Variants in HERC1 observed in about 807,000 individuals in gnomAD.
HERC1 encodes HECT and RLD domain containing E3 ubiquitin protein ligase family member 1.
Under a neutral mutation model 554.3 loss-of-function variants are expected in HERC1, and 160 were observed. The ratio of observed to expected loss-of-function variants is 0.29; its 90% CI spans 0.25 to 0.33. The LOEUF (loss-of-function observed/expected upper bound fraction) is 0.33, where lower values mean the gene tolerates loss of function less well. Ranked by LOEUF, HERC1 falls within the 10% of genes least tolerant of loss-of-function variation. The pLI is 1.00. For missense variants in HERC1, 4,919 were observed against 5,918.5 expected (o/e 0.83, Z 5.54); for synonymous variants, 2,175 against 2,131.7 (o/e 1.02, Z -0.56).
chr15:63,680,510 G>T lies in HERC1; in HGVS notation c.6465+27C>A. 1 of 1,608,650 alleles carries T rather than the reference G, an allele frequency of 6.2e-7. No homozygotes were observed. Among genetic ancestry groups the T allele is most frequent in the Non-Finnish European group, 8.5e-7 (1 of 1,177,486 alleles). On this transcript the variant is annotated intron_variant, in intron 35 of 77. Coordinates refer to ENST00000443617, the MANE Select transcript of HERC1 (RefSeq NM_003922.4). The surrounding 1 kb of genome is among the most constrained non-coding windows in gnomAD (Gnocchi z 5.8). ...GACTATAAATAGAAACAAGAAAAATGTAATGCTTGTGAATGGGTGTCGGTA... is the reference window on the plus strand; with the variant it reads ...GACTATAAATAGAAACAAGAAAAATTTAATGCTTGTGAATGGGTGTCGGTA...
intron 1 of HERC1, among the ~76,000 whole-genome samples, chr15:63,790,109 A>G (rs558949607): frequency 1.3e-5 from 2 of 152,326 alleles, no homozygotes; most frequent in African/African-American, 2.4e-5. Context: ...TGGATAATAA[A>G]AGAACCTCTA....
At chr15:63,761,482 G>A (rs973509638) in intron 3 of HERC1, among the ~76,000 whole-genome samples, 1 of 151,982 alleles carries the variant, frequency 6.6e-6, no homozygotes. Context: ...AGCTACTTGG[G>A]AGGCTGAGGC....
At chr15:63,784,307 A>G (rs887274678) in intron 1 of HERC1, among the ~76,000 whole-genome samples, 1 of 152,200 alleles carries the variant, frequency 6.6e-6, no homozygotes, top group Non-Finnish European at 1.5e-5. Flanking sequence ...TCTAGCCAGA[A>G]AGTAGTGAAA....
In HERC1 at chr15:63,775,625, T is replaced by C. The variant is rs770129868; in HGVS notation, c.-2A>G. The C allele has an allele frequency of 3.8e-6, 6 of 1,587,044 alleles. No homozygotes were observed. In the East Asian group the frequency reaches 6.7e-5, roughly 18 times the overall value. On this transcript the variant is annotated 5_prime_UTR_variant, in exon 2 of 78. Coordinates refer to ENST00000443617, the MANE Select transcript of HERC1 (RefSeq NM_003922.4). This position sits in a 1 kb window ranked among gnomAD's most constrained non-coding sequence, Gnocchi z 4.0. ...CACTGGTGGAATCATAGTTGCCATG[T>C]TGATTTATCCTTCAGCCATTAGTCC...
At chr15:63,743,256 TC>T (rs1467019103) in intron 12 of HERC1, among the ~76,000 whole-genome samples, 86 of 110,650 alleles carry the variant, frequency 7.8e-4, no homozygotes, top group South Asian at 5.4e-3. Flanking sequence ...TTTCTTTTTT[TC>T]TTTTTCTTTT....
intron 2 of HERC1, among the ~76,000 whole-genome samples, chr15:63,766,412 A>C (rs753036522): frequency 6.6e-6 from 1 of 152,048 alleles, no homozygotes; most frequent in South Asian, 2.1e-4. Flanking sequence ...ACATGGTAAA[A>C]CCTTGTCTCT....
chr15:63,719,838 T>C (rs1384001162), intron 19 of HERC1, among the ~76,000 whole-genome samples: 1 of 152,202 alleles, frequency 6.6e-6, no homozygotes, highest in Non-Finnish European at 1.5e-5. Context: ...GAAGACCACA[T>C]GAACAGTTTC....
In HERC1 at chr15:63,803,599, T is replaced by G. The variant is rs189714861; in HGVS notation, c.-26-27950A>C. Among the ~76,000 whole-genome samples, 5 of 152,254 alleles carry G rather than the reference T, an allele frequency of 3.3e-5. No homozygotes were observed. The East Asian group carries it at 9.6e-4, about 29-fold the overall frequency. On this transcript the variant is annotated intron_variant, in intron 1 of 77. Transcript: ENST00000443617. Reference sequence around the variant, plus strand: ...CAACACGCCCAGCCCCATACTAACTTTTTAGAAATTAAAACCTCAGAAGGT... The same window carrying G: ...CAACACGCCCAGCCCCATACTAACTGTTTAGAAATTAAAACCTCAGAAGGT...
intron 10 of HERC1, among the ~76,000 whole-genome samples, chr15:63,748,627 G>A (rs2075139097): frequency 6.6e-6 from 1 of 152,122 alleles, no homozygotes; most frequent in African/African-American, 2.4e-5. Context: ...GAGATGTAAT[G>A]CTAATAGCAA....
At position 63,749,762 on chromosome 15, in the gene HERC1, T is replaced by C; in HGVS notation, c.1932A>G (p.Leu644=). The C allele has an allele frequency of 6.3e-7, 1 of 1,578,628 alleles. No homozygotes were observed. The highest frequency in any genetic ancestry group is 1.7e-4 in the Middle Eastern group (1 of 6,016). The change falls in exon 9 of 78, where the codon CTA becomes CTG. Residue 644 remains leucine, a synonymous_variant. Transcript: ENST00000443617. The surrounding 1 kb of genome is among the most constrained non-coding windows in gnomAD (Gnocchi z 4.1). ...QVYAWGCGAC[L]GCGSSEATAL... is the part of the protein sequence containing the mutation. ...CAGTAGCTTCTGAAGAACCACAACC[T>C]AGACAAGCTCCACAGCCCCAAGCAT...
At chr15:63,693,867 C>G in intron 30 of HERC1, 97 bp downstream of exon 30, 1 of 1,241,032 alleles carries the variant, frequency 8.1e-7, no homozygotes. Context: ...CCCATCATAC[C>G]TCATAAGGAA....
intron 24 of HERC1, among the ~76,000 whole-genome samples, chr15:63,711,891 C>T (rs1015236405): frequency 6.6e-6 from 1 of 152,174 alleles, no homozygotes; most frequent in African/African-American, 2.4e-5. Context: ...GAATCACACA[C>T]AAGGCAGAGG....
At chr15:63,825,630 GT>G (rs1337629522) in intron 1 of HERC1, among the ~76,000 whole-genome samples, 1 of 152,106 alleles carries the variant, frequency 6.6e-6, no homozygotes, top group East Asian at 1.9e-4. Flanking sequence ...ATTATTTGAA[GT>G]TTTTATAGCA....
chr15:63,639,995 T>C (rs991659327), intron 61 of HERC1, among the ~76,000 whole-genome samples, 157 bp downstream of exon 61: 1 of 152,220 alleles, frequency 6.6e-6, no homozygotes, highest in Non-Finnish European at 1.5e-5. Flanking sequence ...TGCCATCAGA[T>C]TGAAAGTGAC....
At chr15:63,699,051 C>G in intron 25 of HERC1, 55 bp from the exon 26 acceptor site, 1 of 1,477,412 alleles carries the variant, frequency 6.8e-7, no homozygotes, top group Non-Finnish European at 9.2e-7. Context: ...AGCATACATT[C>G]TGAAACTAGA....
Position 63,612,405 on chromosome 15 carries a change from T to C in HERC1, c.14246A>G (p.Glu4749Gly). ...KKVVRYREVD[E>G]QHQLVQWFWH... ...GAACCACTGCACCAGCTGATGCTGC[T>C]CATCCACCTCACGGTACCGCACCAC... Residue 4749 changes from glutamate (E) to glycine (G), a missense_variant, in exon 77 of 78, where the codon GAG becomes GGG. By Grantham distance (98) the Glu-to-Gly change is moderately conservative. Around this residue, in one of 11 missense-constraint regions of HERC1, gnomAD observed 284 missense variants for 294.1 expected, o/e 0.97. Coordinates refer to ENST00000443617, the MANE Select transcript of HERC1 (RefSeq NM_003922.4). This position sits in a 1 kb window ranked among gnomAD's most constrained non-coding sequence, Gnocchi z 5.0. 6.2e-7 allele frequency: 1 copy of C among 1,614,016 alleles called. No homozygotes were observed.
intron 3 of HERC1, among the ~76,000 whole-genome samples, chr15:63,759,451 T>C (rs1276626812): frequency 6.6e-6 from 1 of 152,198 alleles, no homozygotes; most frequent in African/African-American, 2.4e-5. Context: ...CCAGTACCAA[T>C]TTCACTGAAT....
chr15:63,687,049 G>T (rs1445528907), intron 33 of HERC1, among the ~76,000 whole-genome samples: 1 of 152,102 alleles, frequency 6.6e-6, no homozygotes, highest in East Asian at 1.9e-4. Flanking sequence ...AAGAGAAGAA[G>T]AAATCAAATC....
intron 15 of HERC1, 22 bp from the exon 16 acceptor site, chr15:63,729,390 A>T (rs764201182): frequency 6.3e-7 from 1 of 1,592,530 alleles, no homozygotes. Flanking sequence ...AAAAGTTCCT[A>T]AATTACTACT....
Sources: allele counts gnomAD v4.1 joint callset (sites outside exome capture counted in the v4.1 genomes callset), GRCh38; gene constraint gnomAD v4.1.1; regional missense constraint gnomAD v4.1.1; non-coding constraint Gnocchi (gnomAD v3.1); transcripts MANE v1.5; gene names NCBI Gene and HGNC (gene_info 2026-07-23, HGNC 2026-07-21).